Variants in NIPAL1 observed in about 807,000 individuals in gnomAD.
NIPAL1 encodes the protein NIPA like domain containing 1.
In NIPAL1, 35 loss-of-function variants were observed where a neutral mutation model predicts 37.7. The ratio of observed to expected loss-of-function variants is 0.93; its 90% CI spans 0.71 to 1.23. NIPAL1 has a LOEUF of 1.23. Among genes scored for constraint, NIPAL1 ranks in the 50% most tolerant of loss-of-function variants. NIPAL1 has a pLI of 0.00. For missense variants in NIPAL1, 412 were observed against 473.9 expected (o/e 0.87, Z 1.21); for synonymous variants, 162 against 183.0 (o/e 0.89, Z 0.93).
intron 4 of NIPAL1, 103 bp downstream of exon 4, chr4:48,033,186 C>G (rs926383416): frequency 1.5e-6 from 1 of 684,760 alleles, no homozygotes; most frequent in Non-Finnish European, 2.5e-6. Flanking sequence ...AGCAAACACA[C>G]AAATCTAGAC....
In NIPAL1 at chr4:48,030,150, G is replaced by A. The variant is rs747780339; in HGVS notation, c.344G>A (p.Trp115Ter). ...GQGGHSYLKE[W>*]LWWVGLLSMG... ...GGTGGACATTCTTACCTGAAGGAAT[G>A]GCTCTGGTGGGTAGGATTGCTGTCA... The change falls in exon 3 of 6, where the codon TGG (tryptophan) becomes TAG (stop). Residue 115 changes from tryptophan to a stop codon, truncating the protein, a stop_gained. Coordinates refer to ENST00000295461, the MANE Select transcript of NIPAL1 (RefSeq NM_207330.3). LOFTEE classifies it high-confidence loss of function. The A allele has an allele frequency of 2.4e-5, 39 of 1,604,126 alleles. No homozygotes were observed. The highest frequency in any genetic ancestry group is 1.7e-4 in the Middle Eastern group (1 of 5,958).
chr4:48,019,056 C>T (rs1360472014), intron 1 of NIPAL1, among the ~76,000 whole-genome samples: 2 of 152,146 alleles, frequency 1.3e-5, no homozygotes, highest in African/African-American at 2.4e-5. Flanking sequence ...AGTGCCACTC[C>T]GTCACCCAGG....
chr4:48,018,353 T>G (rs1016463119), intron 1 of NIPAL1, among the ~76,000 whole-genome samples: 2 of 152,222 alleles, frequency 1.3e-5, no homozygotes, highest in Admixed American at 6.5e-5. Flanking sequence ...CTGCTTTGCT[T>G]ATGCATTGAG....
intron 1 of NIPAL1, among the ~76,000 whole-genome samples, chr4:48,018,357 C>T (rs1030433884): frequency 1.3e-5 from 2 of 152,188 alleles, no homozygotes; most frequent in African/African-American, 4.8e-5. Flanking sequence ...TTTGCTTATG[C>T]ATTGAGTTCC....
intron 1 of NIPAL1, among the ~76,000 whole-genome samples, chr4:48,023,975 CTTTTT>C (rs11329586): frequency 9.3e-6 from 1 of 107,792 alleles, no homozygotes; most frequent in Non-Finnish European, 2.0e-5. Flanking sequence ...CAGATTTCTT[CTTTTT>C]TTTTTTTTTT....
At position 48,027,372 on chromosome 4, in the gene NIPAL1, G is replaced by C. The variant is rs1715716357; in HGVS notation, c.313+2038G>C. 6.6e-6 allele frequency among the ~76,000 whole-genome samples: 1 copy of C among 152,048 alleles called. No individual in the cohort carries two copies. The highest frequency in any genetic ancestry group is 2.1e-4 in the South Asian group (1 of 4,816). On this transcript the variant is annotated intron_variant, in intron 2 of 5. Coordinates refer to ENST00000295461, the MANE Select transcript of NIPAL1 (RefSeq NM_207330.3). The surrounding 1 kb of genome is among the most constrained non-coding windows in gnomAD (Gnocchi z 4.1). ...CTAGTACCCAAAGAGATACCAACTA[G>C]ACAATAGTCAGGTTCAGTGTGGTAA...
intron 1 of NIPAL1, 117 bp downstream of exon 1, chr4:48,017,002 T>C: frequency 1.2e-6 from 1 of 806,886 alleles, no homozygotes; most frequent in Non-Finnish European, 1.9e-6. Context: ...CTAAACGTAG[T>C]CGTTCACTCA....
chr4:48,017,867 T>C (rs199542331), intron 1 of NIPAL1, among the ~76,000 whole-genome samples: 19 of 7,594 alleles, frequency 2.5e-3, no homozygotes, highest in Non-Finnish European at 4.8e-3. Context: ...CTTACACATA[T>C]ATATATATAT....
At position 48,038,386 on chromosome 4, in the gene NIPAL1, C is replaced by T. The variant is rs771889288; in HGVS notation, c.*2214C>T. On this transcript the variant is annotated 3_prime_UTR_variant, in exon 6 of 6. Transcript: ENST00000295461. ...CTTCTGTCTGGGCAATGGCTCACAC[C>T]TGTAATTCCAACACTTTGGGGGGCT... 2.0e-5 allele frequency: 3 copies of T among 152,116 alleles called. No individual in the cohort carries two copies. The highest frequency in any genetic ancestry group is 4.4e-5 in the Non-Finnish European group (3 of 68,030). The allele number at this position is 152,116 out of a possible 1,614,324, so 9.4% of individuals were successfully genotyped here. A position where few individuals can be genotyped will look rare whatever the true frequency, so the allele number is the denominator to read the frequency against.
chr4:48,037,454 T>C lies in NIPAL1; in HGVS notation c.*1282T>C, dbSNP rs1715979469. 1 of 209,834 alleles carries C rather than the reference T, an allele frequency of 4.8e-6. No individual in the cohort carries two copies. Among genetic ancestry groups the C allele is most frequent in the South Asian group, 6.1e-5 (1 of 16,282 alleles). The allele number at this position is 209,834 out of a possible 1,614,324, so 13.0% of individuals were successfully genotyped here. A position where few individuals can be genotyped will look rare whatever the true frequency, so the allele number is the denominator to read the frequency against. On this transcript the variant is annotated 3_prime_UTR_variant, in exon 6 of 6. Coordinates refer to ENST00000295461, the MANE Select transcript of NIPAL1 (RefSeq NM_207330.3). The stretch of plus-strand genomic sequence containing the variant: ...AGATTTTTGTAAAAGATTGCTACAT[T>C]ATTTCAGGATTATATCCTACATTTC...
At position 48,016,849 on chromosome 4, in the gene NIPAL1, C is replaced by G; in HGVS notation, c.10C>G (p.Gln4Glu). The G allele has an allele frequency of 1.0e-5, 16 of 1,588,906 alleles. No individual in the cohort carries two copies. Among genetic ancestry groups the G allele is most frequent in the Non-Finnish European group, 1.4e-5 (16 of 1,171,002 alleles). MGAQVRLPPGEPCR... is the reference protein window; with the variant it reads MGAEVRLPPGEPCR... ...GCCCGCTCCCGGGGCCATGGGGGCA[C>G]AGGTGAGGCTGCCGCCCGGAGAGCC... The change falls in exon 1 of 6, where the codon CAG becomes GAG. Residue 4 changes from glutamine (Q) to glutamate (E), a missense_variant. Physicochemically the swap from Gln to Glu is conservative, Grantham distance 29. Coordinates refer to ENST00000295461, the MANE Select transcript of NIPAL1 (RefSeq NM_207330.3).
chr4:48,030,033 TC>T (rs1715785398), intron 2 of NIPAL1, 86 bp from the exon 3 acceptor site: 24 of 752,926 alleles, frequency 3.2e-5, no homozygotes, highest in Non-Finnish European at 5.7e-5. Flanking sequence ...CTAACCATAA[TC>T]CAGTACGCTT....
intron 3 of NIPAL1, among the ~76,000 whole-genome samples, 179 bp from the exon 4 acceptor site, chr4:48,032,814 G>A (rs541900320): frequency 6.6e-6 from 1 of 152,242 alleles, no homozygotes; most frequent in South Asian, 2.1e-4. Context: ...ATTACAGTTT[G>A]TCTGCATCTC....
At position 48,025,307 on chromosome 4, in the gene NIPAL1, C is replaced by G; in HGVS notation, c.286C>G (p.Leu96Val). The G allele has an allele frequency of 6.2e-7, 1 of 1,614,148 alleles. No homozygotes were observed. Among genetic ancestry groups the G allele is most frequent in the Non-Finnish European group, 8.5e-7 (1 of 1,180,010 alleles). Residue 96 changes from leucine (L) to valine (V), a missense_variant, in exon 2 of 6, where the codon CTG becomes GTG. Transcript: ENST00000295461. ...ACTGAAAAAGAAGGGCCTCTTGCAA[C>G]TGGCCAGCAAGGGCTTTACTAGAGC... ...FILKKKGLLQ[L>V]ASKGFTRAGQ...
chr4:48,035,533 A>G (rs371241120), intron 5 of NIPAL1, 29 bp from the exon 6 acceptor site: 32 of 1,582,006 alleles, frequency 2.0e-5, no homozygotes, highest in East Asian at 1.8e-4. Flanking sequence ...AGCATTTTCT[A>G]AAGTCAAATT....
rs966748447 is a variant in NIPAL1 at position 48,035,056 on chromosome 4, C to A, written c.622+15C>A. ...GAGAGACCCAGGTCTGTGATTCAAC[C>A]TAAAGAACCACTCAAATTCTGCTCC... On this transcript the variant is annotated intron_variant, in intron 5 of 5. Coordinates refer to ENST00000295461, the MANE Select transcript of NIPAL1 (RefSeq NM_207330.3). 45 of 1,606,248 alleles carry A rather than the reference C, an allele frequency of 2.8e-5. No individual in the cohort carries two copies. Among genetic ancestry groups the A allele is most frequent in the Non-Finnish European group, 3.7e-5 (43 of 1,173,704 alleles).
At chr4:48,034,635 G>A (rs989449478) in intron 4 of NIPAL1, among the ~76,000 whole-genome samples, 1 of 152,186 alleles carries the variant, frequency 6.6e-6, no homozygotes, top group African/African-American at 2.4e-5. Context: ...AGAACCTCTT[G>A]TAAGATCACT....
intron 1 of NIPAL1, among the ~76,000 whole-genome samples, chr4:48,020,620 A>C (rs563627200): frequency 6.6e-6 from 1 of 152,342 alleles, no homozygotes; most frequent in Admixed American, 6.5e-5. Flanking sequence ...AAGGGACAGC[A>C]GCTCCTCAGG....
rs746929529 is a variant in NIPAL1 at position 48,036,011 on chromosome 4, A to G, written c.1072A>G (p.Lys358Glu). The G allele has an allele frequency of 3.1e-6, 5 of 1,613,394 alleles. No homozygotes were observed. The South Asian group carries it at 5.5e-5, about 18-fold the overall frequency. ...TGGCATCTTCCTTCTACATGCTTTT[A>G]AAAATACTGACATTACTTGGAGTGA... ...IIGIFLLHAF[K>E]NTDITWSELT... Residue 358 changes from lysine to glutamate, a missense_variant, in exon 6 of 6, where the codon AAA becomes GAA. Transcript: ENST00000295461.
Sources: gnomAD v4.1 joint callset for allele counts (sites outside exome capture counted in the v4.1 genomes callset) on GRCh38, gnomAD v4.1.1 for gene constraint, Gnocchi (gnomAD v3.1) non-coding constraint, MANE v1.5 for transcripts, NCBI Gene and HGNC (gene_info 2026-07-23, HGNC 2026-07-21) for gene names.